HEATR4: variants seen among roughly 807,000 people sequenced by gnomAD.
HEATR4 encodes the protein HEAT repeat-containing protein 4.
A neutral mutation model predicts 108.8 loss-of-function variants in HEATR4; 95 were observed. That is an observed-to-expected ratio of 0.87 (90% CI 0.74 to 1.04). The LOEUF is 1.04. Ranked by LOEUF, HEATR4 falls within the 50% of genes least tolerant of loss-of-function variation. The probability of loss-of-function intolerance (pLI) is 0.00; values close to 1 mark genes in which losing one functional copy is unlikely to be tolerated. For missense variants in HEATR4, 1,152 were observed against 1,253.8 expected (o/e 0.92, Z 1.23); for synonymous variants, 443 against 459.4 (o/e 0.96, Z 0.46).
intron 17 of HEATR4, among the ~76,000 whole-genome samples, chr14:73,484,022 T>C (rs1286861464): frequency 1.3e-5 from 2 of 151,782 alleles, no homozygotes; most frequent in Non-Finnish European, 2.9e-5. Flanking sequence ...ACCTGGCTAA[T>C]TTTTCTTTAT....
At chr14:73,513,728 C>CAAA (rs747778891) in intron 6 of HEATR4, among the ~76,000 whole-genome samples, 4,332 of 46,758 alleles carry the variant, frequency 0.093, 937 homozygotes, top group Middle Eastern at 0.18. Flanking sequence ...ACTACGTCTC[C>CAAA]AAAAAAAAAA....
At chr14:73,621,767 T>C in the HEATR4 span, among the ~76,000 whole-genome samples, 7 of 142,934 alleles carry the variant, frequency 4.9e-5, no homozygotes, top group East Asian at 1.2e-3. Context: ...CTTTCTTTTT[T>C]TTTTTTTTTT....
chr14:73,594,219 G>T, the HEATR4 span, among the ~76,000 whole-genome samples: 1 of 152,154 alleles, frequency 6.6e-6, no homozygotes, highest in African/African-American at 2.4e-5. Flanking sequence ...TATGTTCTCA[G>T]ATTTTGGTCA....
chr14:73,498,378 A>G (rs1255934637), intron 13 of HEATR4, 34 bp from the exon 14 acceptor site: 1 of 1,527,874 alleles, frequency 6.5e-7, no homozygotes, highest in Non-Finnish European at 8.9e-7. Context: ...GTCACTGAAG[A>G]CTGAGCTTAC....
intron 16 of HEATR4, among the ~76,000 whole-genome samples, chr14:73,493,655 T>C (rs972313150): frequency 7.5e-4 from 114 of 152,192 alleles, no homozygotes; most frequent in African/African-American, 2.6e-3. Flanking sequence ...CTGGCCAACA[T>C]GGCAAAACCC....
chr14:73,620,450 T>C, the HEATR4 span, among the ~76,000 whole-genome samples: 1 of 152,230 alleles, frequency 6.6e-6, no homozygotes, highest in Non-Finnish European at 1.5e-5. Flanking sequence ...TCGTGTTCCC[T>C]TTCTGAGGAC....
chr14:73,621,262 C>T, the HEATR4 span, among the ~76,000 whole-genome samples: 18 of 152,214 alleles, frequency 1.2e-4, no homozygotes, highest in African/African-American at 2.6e-4. Flanking sequence ...GAGCATTATA[C>T]CTGTGGATAT....
the HEATR4 span, among the ~76,000 whole-genome samples, chr14:73,570,612 A>G: frequency 2.6e-5 from 4 of 151,492 alleles, no homozygotes; most frequent in East Asian, 7.8e-4. Context: ...ACTTATATTA[A>G]AAACAAAACA....
intron 5 of HEATR4, among the ~76,000 whole-genome samples, chr14:73,514,797 G>A (rs1403882836): frequency 6.6e-6 from 1 of 152,234 alleles, no homozygotes; most frequent in East Asian, 1.9e-4. Flanking sequence ...GGCCGGGTAC[G>A]GTGGCTTTTG....
chr14:73,561,421 C>T (rs1210339487), upstream of HEATR4, among the ~76,000 whole-genome samples: 1 of 151,976 alleles, frequency 6.6e-6, no homozygotes, highest in Non-Finnish European at 1.5e-5. Context: ...GGTGCAGTGG[C>T]TCACGCCTAT....
At chr14:73,525,173 G>T (rs1888250445) in intron 2 of HEATR4, among the ~76,000 whole-genome samples, 2 of 152,088 alleles carry the variant, frequency 1.3e-5, no homozygotes, top group Admixed American at 6.6e-5. Flanking sequence ...GGGACTACAG[G>T]TGCATGCGCC....
chr14:73,604,514 C>A, the HEATR4 span, among the ~76,000 whole-genome samples: 2 of 151,836 alleles, frequency 1.3e-5, no homozygotes, highest in African/African-American at 2.4e-5. Context: ...GAGCTGGAGT[C>A]TTGCTCTGTT....
the HEATR4 span, chr14:73,592,413 C>T: frequency 2.6e-6 from 4 of 1,515,652 alleles, no homozygotes; most frequent in Non-Finnish European, 3.5e-6. Flanking sequence ...CTTCCTGCCG[C>T]CAGGTGAGCC....
intron 16 of HEATR4, among the ~76,000 whole-genome samples, 163 bp downstream of exon 16, chr14:73,495,065 A>C (rs879452720): frequency 1.4e-4 from 22 of 152,274 alleles, no homozygotes; most frequent in South Asian, 2.1e-4. Flanking sequence ...AACAAACAAA[A>C]AAAAAACACA....
In HEATR4 at chr14:73,531,423, C is replaced by CT. The variant is rs767285896; in HGVS notation, c.-151-1180dup. Reference sequence around the variant, plus strand: ...ATGGTAGTTTCATGGAGTTTTTCGTCTTTTTTTTTTTTTTTGCGAGGGAGT... The same window carrying CT: ...ATGGTAGTTTCATGGAGTTTTTCGTCTTTTTTTTTTTTTTTTGCGAGGGAGT... On this transcript the variant is annotated intron_variant, in intron 1 of 17. Coordinates refer to ENST00000553558, the MANE Select transcript of HEATR4 (RefSeq NM_001220484.1). Among the ~76,000 whole-genome samples, 675 of 93,504 alleles carry CT rather than the reference C, an allele frequency of 7.2e-3. 125 individuals are homozygous for CT. The highest frequency in any genetic ancestry group is 0.011 in the African/African-American group (325 of 29,550). The allele number at this position is 93,504 out of a possible 152,430, so 61.3% of individuals were successfully genotyped here.
the HEATR4 span, chr14:73,592,098 C>A: frequency 6.7e-7 from 1 of 1,500,412 alleles, no homozygotes; most frequent in Non-Finnish European, 8.9e-7. Context: ...CGCGCTCTTC[C>A]GGGCCCACGC....
chr14:73,593,671 T>C, the HEATR4 span: 2 of 1,561,332 alleles, frequency 1.3e-6, no homozygotes, highest in African/African-American at 2.7e-5. Flanking sequence ...AATTGTATAA[T>C]GGCTTACATT....
chr14:73,570,336 T>G, the HEATR4 span, among the ~76,000 whole-genome samples: 1 of 151,568 alleles, frequency 6.6e-6, no homozygotes, highest in African/African-American at 2.4e-5. Flanking sequence ...TTGGGAAGTC[T>G]CGGCGGGCAG....
chr14:73,515,541 G>A (rs772773694), intron 5 of HEATR4, among the ~76,000 whole-genome samples: 2 of 151,754 alleles, frequency 1.3e-5, no homozygotes, highest in African/African-American at 2.4e-5. Context: ...TTTGCTAGGC[G>A]TGGTGGTGGG....
Sources: allele counts gnomAD v4.1 joint callset (sites outside exome capture counted in the v4.1 genomes callset), GRCh38; gene constraint gnomAD v4.1.1; transcripts MANE v1.5; gene names NCBI Gene and HGNC (gene_info 2026-07-23, HGNC 2026-07-21).